ITPR2: variants seen among roughly 807,000 people sequenced by gnomAD.
The protein encoded by ITPR2 is inositol 1,4,5-trisphosphate-gated calcium channel ITPR2.
Under a neutral mutation model 317.1 loss-of-function variants are expected in ITPR2, and 207 were observed. That is an observed-to-expected ratio of 0.65 (90% confidence interval 0.58 to 0.73). ITPR2 has a LOEUF of 0.73. ITPR2 is among the 30% of genes least tolerant of loss of function. The pLI is 0.00. For synonymous variants in ITPR2, 1,156 were observed against 1,149.1 expected, an observed-to-expected ratio of 1.01 and a Z score of -0.12; for missense variants, 2,613 against 3,284.0, an observed-to-expected ratio of 0.80 and a Z score of 4.99.
At chr12:26,630,642 G>C (rs897651890) in intron 22 of ITPR2, 3 of 152,256 alleles carry the variant, frequency 2.0e-5, no homozygotes, top group African/African-American at 7.2e-5. Context: ...AAATCAGAGT[G>C]AATAGCGGTT....
intron 26 of ITPR2, among the ~76,000 whole-genome samples, chr12:26,616,113 AATTT>A (rs34664795): frequency 1.1e-4 from 17 of 150,680 alleles, no homozygotes; most frequent in Non-Finnish European, 2.4e-4. Context: ...TGCATGTGGA[AATTT>A]ATTTATTTAT....
At chr12:26,806,080 A>G (rs563523967) in intron 1 of ITPR2, among the ~76,000 whole-genome samples, 2 of 152,330 alleles carry the variant, frequency 1.3e-5, no homozygotes, top group African/African-American at 4.8e-5. Flanking sequence ...GGGTCCATAA[A>G]TATGTTTCTC....
At chr12:26,639,462 C>T (rs990353020) in intron 21 of ITPR2, among the ~76,000 whole-genome samples, 7 of 151,790 alleles carry the variant, frequency 4.6e-5, no homozygotes, top group Non-Finnish European at 8.8e-5. Flanking sequence ...CCTTTCTATG[C>T]CAGCATTCTT....
chr12:26,698,128 A>G (rs569754537), intron 9 of ITPR2, among the ~76,000 whole-genome samples: 1 of 152,332 alleles, frequency 6.6e-6, no homozygotes, highest in African/African-American at 2.4e-5. Flanking sequence ...AACAATAATC[A>G]AAGATAATAG....
At chr12:26,676,528 T>G (rs1039090759) in intron 13 of ITPR2, among the ~76,000 whole-genome samples, 56 of 147,850 alleles carry the variant, frequency 3.8e-4, no homozygotes, top group African/African-American at 1.4e-3. Flanking sequence ...TTCATATACA[T>G]AAAACCTAAA....
At position 26,470,801 on chromosome 12, in the gene ITPR2, T is replaced by G. The variant is rs1333163779; in HGVS notation, c.6342+4495A>C. ...CTACCCTGTGACCCAGTAATTAAACTTCTTGGAATTTATCCTAGAGAAATA... is the reference window on the plus strand; with the variant it reads ...CTACCCTGTGACCCAGTAATTAAACGTCTTGGAATTTATCCTAGAGAAATA... On this transcript the variant is annotated intron_variant, in intron 45 of 56. Coordinates refer to ENST00000381340, the MANE Select transcript of ITPR2 (RefSeq NM_002223.4). 3.3e-5 allele frequency among the ~76,000 whole-genome samples: 5 copies of G among 152,200 alleles called. No homozygotes were observed. In the East Asian group the frequency reaches 9.6e-4, roughly 29 times the overall value.
intron 2 of ITPR2, among the ~76,000 whole-genome samples, chr12:26,729,037 T>G (rs987300493): frequency 3.3e-5 from 5 of 152,360 alleles, no homozygotes; most frequent in Admixed American, 2.6e-4. Flanking sequence ...GTGCAGAAGC[T>G]CTTCAGTTTA....
intron 51 of ITPR2, among the ~76,000 whole-genome samples, chr12:26,415,055 G>A (rs1249412210): frequency 6.6e-6 from 1 of 152,010 alleles, no homozygotes; most frequent in Non-Finnish European, 1.5e-5. Flanking sequence ...CAGCTTTATT[G>A]AAACTTTCTT....
intron 15 of ITPR2, among the ~76,000 whole-genome samples, chr12:26,661,628 T>C (rs1315298038): frequency 1.3e-5 from 2 of 152,188 alleles, no homozygotes; most frequent in African/African-American, 2.4e-5. Context: ...GTAGCCTCTA[T>C]AGACCTGTTA....
chr12:26,526,032 TG>T (rs1305101765), intron 37 of ITPR2, among the ~76,000 whole-genome samples: 2 of 152,236 alleles, frequency 1.3e-5, no homozygotes, highest in Non-Finnish European at 1.5e-5. Context: ...TCCAGCTCTT[TG>T]CTCACACTCT....
intron 34 of ITPR2, among the ~76,000 whole-genome samples, chr12:26,578,109 G>C (rs966395200): frequency 3.3e-5 from 5 of 152,100 alleles, no homozygotes; most frequent in African/African-American, 9.7e-5. Context: ...GTACAGCCAA[G>C]TGTGCATTTC....
intron 2 of ITPR2, among the ~76,000 whole-genome samples, chr12:26,772,572 T>TACATGTATTATATATATAATAC (rs1457950000): frequency 3.8e-4 from 33 of 86,848 alleles, no homozygotes; most frequent in Non-Finnish European, 7.5e-4. Context: ...TATATATATA[T>TACATGTATTATATATATAATAC]ATGTATCTTA....
chr12:26,586,618 T>C (rs970915529), intron 32 of ITPR2, among the ~76,000 whole-genome samples: 1 of 152,214 alleles, frequency 6.6e-6, no homozygotes, highest in Non-Finnish European at 1.5e-5. Flanking sequence ...ATTTCAATTA[T>C]TGCTATTATG....
chr12:26,449,116 T>C (rs1223933724), intron 45 of ITPR2, among the ~76,000 whole-genome samples: 1 of 152,198 alleles, frequency 6.6e-6, no homozygotes, highest in African/African-American at 2.4e-5. Flanking sequence ...ATAATAATTA[T>C]TCCCTAGTAC....
intron 37 of ITPR2, among the ~76,000 whole-genome samples, chr12:26,496,656 ATTTCT>A (rs1467170965): frequency 6.6e-6 from 1 of 152,082 alleles, no homozygotes; most frequent in African/African-American, 2.4e-5. Context: ...CTTAATTTTA[ATTTCT>A]TTTAAGAAGA....
At chr12:26,669,903 A>T (rs571057506) in intron 13 of ITPR2, among the ~76,000 whole-genome samples, 2 of 152,358 alleles carry the variant, frequency 1.3e-5, no homozygotes, top group Admixed American at 1.3e-4. Context: ...TACATCCCAC[A>T]CATGGCTGGG....
chr12:26,536,460 C>A (rs1042156157), intron 37 of ITPR2, among the ~76,000 whole-genome samples: 6 of 152,006 alleles, frequency 3.9e-5, no homozygotes, highest in Non-Finnish European at 7.4e-5. Flanking sequence ...AGGAAGGGGG[C>A]AAGCTGAAGA....
Position 26,622,866 on chromosome 12 carries a change from T to C in ITPR2, c.3123-461A>G, listed in dbSNP as rs368451465. ...ACCAGCACCAGAGTGGCCACAGGTG[T>C]GGCGTATGAGGACTCTGGGTGAGGT... On this transcript the variant is annotated intron_variant, in intron 24 of 56. Transcript: ENST00000381340. Among the ~76,000 whole-genome samples the C allele has an allele frequency of 2.7e-3, 410 of 152,274 alleles. 2 individuals carry two copies. Among genetic ancestry groups the C allele is most frequent in the African/African-American group, 9.1e-3 (377 of 41,556 alleles).
intron 45 of ITPR2, among the ~76,000 whole-genome samples, chr12:26,461,018 CT>C (rs2052527709): frequency 6.6e-6 from 1 of 152,158 alleles, no homozygotes; most frequent in South Asian, 2.1e-4. Context: ...TGTGCCTGCT[CT>C]GTCAATTGGT....
Sources: gnomAD v4.1 joint callset for allele counts (sites outside exome capture counted in the v4.1 genomes callset) on GRCh38, gnomAD v4.1.1 for gene constraint, MANE v1.5 for transcripts, NCBI Gene and HGNC (gene_info 2026-07-23, HGNC 2026-07-21) for gene names.